The following FGF10 variants were observed in gnomAD, a reference collection of about 807,000 sequenced individuals.
FGF10 encodes fibroblast growth factor 10.
A neutral mutation model predicts 19.8 loss-of-function variants in FGF10; 2 were observed. The ratio of observed to expected loss-of-function variants is 0.10; its 90% CI spans 0.04 to 0.32. FGF10 has a LOEUF of 0.32. Among genes scored for constraint, FGF10 ranks in the 10% least tolerant of loss-of-function variants. The pLI, the probability that FGF10 is intolerant of heterozygous loss-of-function variation, is 1.00. For synonymous variants in FGF10, 112 were observed against 94.0 expected (o/e 1.19, Z -1.10); for missense variants, 191 against 246.3 (o/e 0.78, Z 1.50).
At chr5:44,322,336 G>A (rs528115821) in intron 1 of FGF10, among the ~76,000 whole-genome samples, 1 of 152,184 alleles carries the variant, frequency 6.6e-6, no homozygotes, top group Non-Finnish European at 1.5e-5. Flanking sequence ...AATTATGGGG[G>A]TGATGAGTGA....
In FGF10 at chr5:44,304,852, A is replaced by T; in HGVS notation, c.*143T>A. On this transcript the variant is annotated 3_prime_UTR_variant, in exon 3 of 3. Transcript: ENST00000264664. Reference sequence around the variant, plus strand: ...TCATATGTCAGCAGTGAATACAAAAACCTTCAAAGGCTGGCTTTCTTTTAA... The same window carrying T: ...TCATATGTCAGCAGTGAATACAAAATCCTTCAAAGGCTGGCTTTCTTTTAA... 1.3e-6 allele frequency: 1 copy of T among 778,488 alleles called. No homozygotes were observed. The highest frequency in any genetic ancestry group is 1.5e-5 in the South Asian group (1 of 66,658). The allele number at this position is 778,488 out of a possible 1,614,324, so 48.2% of individuals were successfully genotyped here.
intron 1 of FGF10, among the ~76,000 whole-genome samples, chr5:44,380,226 G>C (rs575230478): frequency 6.6e-6 from 1 of 152,050 alleles, no homozygotes; most frequent in Non-Finnish European, 1.5e-5. Context: ...AATTCTATCA[G>C]TAAATTAAAG....
intron 1 of FGF10, among the ~76,000 whole-genome samples, chr5:44,362,678 T>G (rs1741519462): frequency 6.6e-6 from 1 of 151,688 alleles, no homozygotes; most frequent in Admixed American, 6.6e-5. Context: ...TTATCTGCCC[T>G]TATAGATGCT....
intron 2 of FGF10, among the ~76,000 whole-genome samples, chr5:44,306,389 T>C (rs1399496114): frequency 6.6e-6 from 1 of 152,096 alleles, no homozygotes; most frequent in Non-Finnish European, 1.5e-5. Flanking sequence ...AGAACGAGAC[T>C]CCGTCTCAAA....
At chr5:44,350,939 C>G (rs911945204) in intron 1 of FGF10, among the ~76,000 whole-genome samples, 3 of 151,190 alleles carry the variant, frequency 2.0e-5, no homozygotes, top group Non-Finnish European at 4.4e-5. Flanking sequence ...GTAAATAATG[C>G]CCGCTGATAA....
chr5:44,364,861 G>T (rs185835444), intron 1 of FGF10, among the ~76,000 whole-genome samples: 65 of 151,952 alleles, frequency 4.3e-4, no homozygotes, highest in Admixed American at 2.6e-3. Context: ...ATCTGTGTAG[G>T]TGGTTTTCAC....
chr5:44,378,645 A>G (rs1189290042), intron 1 of FGF10, among the ~76,000 whole-genome samples: 1 of 152,030 alleles, frequency 6.6e-6, no homozygotes, highest in Non-Finnish European at 1.5e-5. Context: ...GTTAGCCAGG[A>G]TGGTCTTGAT....
At chr5:44,312,677 C>A (rs1056275230) in intron 1 of FGF10, among the ~76,000 whole-genome samples, 7 of 151,892 alleles carry the variant, frequency 4.6e-5, no homozygotes, top group Non-Finnish European at 1.0e-4. Flanking sequence ...AATTCAGGGG[C>A]AAAAGATTAG....
intron 1 of FGF10, among the ~76,000 whole-genome samples, chr5:44,358,295 C>T (rs1741395692): frequency 6.6e-6 from 1 of 151,426 alleles, no homozygotes; most frequent in Non-Finnish European, 1.5e-5. Flanking sequence ...TCTGGGTAAA[C>T]ATTGGCATGC....
At chr5:44,342,749 C>G (rs564731691) in intron 1 of FGF10, among the ~76,000 whole-genome samples, 5 of 151,822 alleles carry the variant, frequency 3.3e-5, no homozygotes, top group Non-Finnish European at 7.4e-5. Flanking sequence ...AGAATGTTGC[C>G]GTCTAAAGGA....
chr5:44,322,240 A>C (rs1740510864), intron 1 of FGF10, among the ~76,000 whole-genome samples: 1 of 152,204 alleles, frequency 6.6e-6, no homozygotes, highest in African/African-American at 2.4e-5. Flanking sequence ...TATTCAACCT[A>C]GTCAACAAAC....
chr5:44,305,232 T>C, intron 2 of FGF10, 40 bp from the exon 3 acceptor site: 2 of 1,578,840 alleles, frequency 1.3e-6, no homozygotes, highest in Non-Finnish European at 8.7e-7. Flanking sequence ...CTATGGTGAT[T>C]GTACTTGATT....
chr5:44,306,847 A>G (rs976744996), intron 2 of FGF10, among the ~76,000 whole-genome samples: 2 of 152,204 alleles, frequency 1.3e-5, no homozygotes, highest in African/African-American at 2.4e-5. Context: ...AAATTATTTA[A>G]GGTAAGGATT....
intron 1 of FGF10, among the ~76,000 whole-genome samples, chr5:44,364,168 T>C (rs528169820): frequency 9.9e-5 from 15 of 151,992 alleles, no homozygotes; most frequent in African/African-American, 2.4e-5. Flanking sequence ...TTTCTTACTG[T>C]GACTCTTTTT....
chr5:44,341,444 G>A (rs993752751), intron 1 of FGF10, among the ~76,000 whole-genome samples: 1 of 151,718 alleles, frequency 6.6e-6, no homozygotes, highest in Admixed American at 6.6e-5. Context: ...TATATATTCA[G>A]ATAGATAATA....
At chr5:44,310,615 G>GT (rs1740189510) in intron 1 of FGF10, 85 bp from the exon 2 acceptor site, 1 of 1,009,072 alleles carries the variant, frequency 9.9e-7, no homozygotes, top group Admixed American at 2.0e-5. Context: ...CTATTGAGTT[G>GT]TTTTTTGTGT....
At chr5:44,384,834 C>A (rs116746992) in intron 1 of FGF10, among the ~76,000 whole-genome samples, 2 of 152,066 alleles carry the variant, frequency 1.3e-5, no homozygotes, top group East Asian at 1.9e-4. Context: ...GGCCCAGGAG[C>A]CTTTTTTGTG....
chr5:44,301,400 T>C lies in FGF10; in HGVS notation c.*3595A>G, dbSNP rs1205385181. Among the ~76,000 whole-genome samples the C allele has an allele frequency of 6.6e-6, 1 of 152,182 alleles. No individual in the cohort carries two copies. The highest frequency in any genetic ancestry group is 2.4e-5 in the African/African-American group (1 of 41,458). On this transcript the variant is annotated 3_prime_UTR_variant, in exon 3 of 3. Transcript: ENST00000264664. ...TATTAGAACTGTGCAGCATTAATGC[T>C]GATCTATGTAAATTGGGTTCATAAA...
intron 1 of FGF10, among the ~76,000 whole-genome samples, chr5:44,340,413 A>T (rs1263739009): frequency 1.3e-5 from 2 of 152,134 alleles, no homozygotes; most frequent in African/African-American, 4.8e-5. Flanking sequence ...CTTTTTAAAA[A>T]AGATACAGCA....
Sources: gnomAD v4.1 joint callset for allele counts (sites outside exome capture counted in the v4.1 genomes callset) on GRCh38, gnomAD v4.1.1 for gene constraint, MANE v1.5 for transcripts, NCBI Gene and HGNC (gene_info 2026-07-23, HGNC 2026-07-21) for gene names.